The following HAVCR2 variants were observed in gnomAD, a reference collection of about 807,000 sequenced individuals.
HAVCR2 encodes the protein T cell immunoglobulin mucin 3.
In HAVCR2, 13 loss-of-function variants were observed where a neutral mutation model predicts 24.7. The ratio of observed to expected loss-of-function variants is 0.53; its 90% CI spans 0.34 to 0.84. The LOEUF (loss-of-function observed/expected upper bound fraction) is 0.84. HAVCR2 is among the 40% of genes least tolerant of loss of function. The probability of loss-of-function intolerance (pLI) is 0.01; values close to 1 mark genes in which losing one functional copy is unlikely to be tolerated. For synonymous variants in HAVCR2, 154 were observed against 143.4 expected (o/e 1.07, Z -0.53); for missense variants, 343 against 371.2 (o/e 0.92, Z 0.62).
chr5:157,087,210 G>T lies in HAVCR2; in HGVS notation c.798C>A (p.Thr266=). 1 of 1,613,870 alleles carries T rather than the reference G, an allele frequency of 6.2e-7. No individual in the cohort carries two copies. The highest frequency in any genetic ancestry group is 8.5e-7 in the Non-Finnish European group (1 of 1,179,928). ...EGIRSEENIY[T]IEENVYEVEE... Reference sequence around the variant, plus strand: ...CCACTTCATATACGTTCTCTTCAATGGTATAGATGTTTTCTTCTGAGCGAA... The same window carrying T: ...CCACTTCATATACGTTCTCTTCAATTGTATAGATGTTTTCTTCTGAGCGAA... The change falls in exon 7 of 7, where the codon ACC becomes ACA. Residue 266 remains threonine, a synonymous_variant. Transcript: ENST00000307851.
intron 3 of HAVCR2, 102 bp downstream of exon 3, chr5:157,104,564 C>G: frequency 4.0e-6 from 3 of 741,240 alleles, no homozygotes; most frequent in South Asian, 1.8e-5. Flanking sequence ...GATATCCATG[C>G]CTCCACTCTC....
intron 5 of HAVCR2, among the ~76,000 whole-genome samples, chr5:157,091,199 C>T (rs1185396502): frequency 6.6e-6 from 1 of 152,204 alleles, no homozygotes; most frequent in Non-Finnish European, 1.5e-5. Flanking sequence ...AATCCCAGCA[C>T]TTTGGGAGGC....
At chr5:157,108,819 C>G in intron 1 of HAVCR2, 107 bp downstream of exon 1, 1 of 1,040,108 alleles carries the variant, frequency 9.6e-7, no homozygotes, top group Non-Finnish European at 1.4e-6. Flanking sequence ...AGGTTGCTTC[C>G]AAGCTTTTGC....
At chr5:157,088,100 AG>A (rs1341593572) in intron 6 of HAVCR2, among the ~76,000 whole-genome samples, 2 of 152,040 alleles carry the variant, frequency 1.3e-5, no homozygotes, top group African/African-American at 2.4e-5. Flanking sequence ...TGTAGAGAAG[AG>A]GTCTCATCAT....
chr5:157,101,684 T>TGA (rs962919248), intron 3 of HAVCR2, among the ~76,000 whole-genome samples: 6 of 152,148 alleles, frequency 3.9e-5, no homozygotes, highest in African/African-American at 1.4e-4. Context: ...GACCCAGTCC[T>TGA]TACTCCTTCA....
chr5:157,091,195 A>G (rs991682465), intron 5 of HAVCR2, among the ~76,000 whole-genome samples: 1 of 152,256 alleles, frequency 6.6e-6, no homozygotes, highest in Non-Finnish European at 1.5e-5. Flanking sequence ...CTATAATCCC[A>G]GCACTTTGGG....
At position 157,108,975 on chromosome 5, in the gene HAVCR2, T is replaced by G. The variant is rs775813519; in HGVS notation, c.9A>C (p.Ser3=). MF[S]HLPFDCVLLL... is the part of the protein sequence containing the mutation. ...GCAGGACACAGTCAAAGGGAAGATG[T>G]GAAAACATGGAGCTTGCAGAAGAAA... is the stretch of plus-strand genomic sequence containing the variant. The change falls in exon 1 of 7, where the codon TCA becomes TCC. Residue 3 remains serine, a synonymous_variant. Coordinates refer to ENST00000307851, the MANE Select transcript of HAVCR2 (RefSeq NM_032782.5). 38 of 1,614,044 alleles carry G rather than the reference T, an allele frequency of 2.4e-5. No homozygotes were observed. Among genetic ancestry groups the G allele is most frequent in the South Asian group, 1.3e-4 (12 of 91,082 alleles).
chr5:157,102,275 T>A (rs1204911503), intron 3 of HAVCR2, among the ~76,000 whole-genome samples: 2 of 151,652 alleles, frequency 1.3e-5, no homozygotes, highest in Non-Finnish European at 1.5e-5. Flanking sequence ...GGTTTTGCCA[T>A]GTTGCCCAGG....
At chr5:157,097,250 ATTTTT>A (rs1221167508) in intron 4 of HAVCR2, among the ~76,000 whole-genome samples, 2 of 128,562 alleles carry the variant, frequency 1.6e-5, no homozygotes, top group East Asian at 2.2e-4. Flanking sequence ...CCCTCAAGTA[ATTTTT>A]TTTTTTTTTT....
At chr5:157,104,585 C>G in intron 3 of HAVCR2, 81 bp downstream of exon 3, 1 of 987,950 alleles carries the variant, frequency 1.0e-6, no homozygotes, top group Non-Finnish European at 1.5e-6. Flanking sequence ...ACACTGTTTT[C>G]TCATCTTTTT....
Position 157,090,638 on chromosome 5 carries a change from C to T in HAVCR2, c.677-1661G>A, listed in dbSNP as rs13186581. ...CCTCAAGTGACTCTCCTGTCTTGGC[C>T]TCCCGAAGTGTTAGGATTATAGGCA... is the stretch of plus-strand genomic sequence containing the variant. On this transcript the variant is annotated intron_variant, in intron 5 of 6. Transcript: ENST00000307851. Among the ~76,000 whole-genome samples, 688 of 152,132 alleles carry T rather than the reference C, an allele frequency of 4.5e-3. 1 individual carries two copies. Among genetic ancestry groups the T allele is most frequent in the Non-Finnish European group, 7.2e-3 (487 of 68,016 alleles).
chr5:157,099,212 A>G (rs937892926), intron 3 of HAVCR2, among the ~76,000 whole-genome samples: 3 of 152,136 alleles, frequency 2.0e-5, no homozygotes, highest in Admixed American at 2.0e-4. Context: ...GACCCTAATG[A>G]GTTCTACAAA....
chr5:157,094,037 ACTT>A (rs1490921407), intron 5 of HAVCR2, among the ~76,000 whole-genome samples: 10 of 145,238 alleles, frequency 6.9e-5, no homozygotes, highest in Non-Finnish European at 1.3e-4. Flanking sequence ...ACTTCAACAC[ACTT>A]CTTTTTTTTT....
In HAVCR2 at chr5:157,098,101, G is replaced by T. The variant is rs532617376; in HGVS notation, c.522+757C>A. ...AGCCTGACCAACATGGAGAAACCCT[G>T]TCTCTACTAAAAATACAAAATTAGG... On this transcript the variant is annotated intron_variant, in intron 4 of 6. Transcript: ENST00000307851. 2.0e-4 allele frequency among the ~76,000 whole-genome samples: 31 copies of T among 151,760 alleles called. No individual in the cohort carries two copies. In the East Asian group the frequency reaches 5.9e-3, roughly 29 times the overall value.
At position 157,108,105 on chromosome 5, in the gene HAVCR2, T is replaced by A. The variant is rs143277215; in HGVS notation, c.58+821A>T. Among the ~76,000 whole-genome samples the A allele has an allele frequency of 3.6e-3, 545 of 152,208 alleles. 5 individuals are homozygous for A. The highest frequency in any genetic ancestry group is 0.012 in the African/African-American group (515 of 41,530). Reference sequence around the variant, plus strand: ...TTTATATATGATAAAACATTCATTATATATTTTCTTTTGATTTTTTATGTC... The same window carrying A: ...TTTATATATGATAAAACATTCATTAAATATTTTCTTTTGATTTTTTATGTC... On this transcript the variant is annotated intron_variant, in intron 1 of 6. Coordinates refer to ENST00000307851, the MANE Select transcript of HAVCR2 (RefSeq NM_032782.5).
chr5:157,097,455 T>A (rs530225657), intron 4 of HAVCR2, among the ~76,000 whole-genome samples: 2 of 151,974 alleles, frequency 1.3e-5, no homozygotes, highest in Non-Finnish European at 2.9e-5. Flanking sequence ...AGACAGGGTG[T>A]CACTATGTGG....
At chr5:157,092,913 A>AAAAAAAAAAATAAAAT (rs1561619880) in intron 5 of HAVCR2, among the ~76,000 whole-genome samples, 1 of 123,030 alleles carries the variant, frequency 8.1e-6, no homozygotes, top group Admixed American at 8.5e-5. Context: ...AAAAAAAAAA[A>AAAAAAAAAAATAAAAT]AAAAACTAGC....
chr5:157,096,449 T>C (rs1039733768), intron 4 of HAVCR2, among the ~76,000 whole-genome samples: 2 of 152,142 alleles, frequency 1.3e-5, no homozygotes, highest in African/African-American at 2.4e-5. Context: ...GTTTCTAAAA[T>C]TTCAGTCTAT....
intron 4 of HAVCR2, 58 bp downstream of exon 4, chr5:157,098,800 A>G (rs372572206): frequency 3.6e-5 from 54 of 1,517,774 alleles, no homozygotes; most frequent in Non-Finnish European, 6.3e-6. Context: ...AGGAAGTCTA[A>G]AGCCATGATT....
Sources: allele counts gnomAD v4.1 joint callset (sites outside exome capture counted in the v4.1 genomes callset), GRCh38; gene constraint gnomAD v4.1.1; transcripts MANE v1.5; gene names NCBI Gene and HGNC (gene_info 2026-07-23, HGNC 2026-07-21).